Variants in BLZF1 observed in about 807,000 individuals in gnomAD.
The protein encoded by BLZF1 is basic leucine zipper nuclear factor 1, also known as golgin-45.
BLZF1 carries 39 observed loss-of-function variants against 43.8 expected under a neutral mutation model. The ratio of observed to expected loss-of-function variants is 0.89; its 90% CI spans 0.69 to 1.16. The LOEUF (loss-of-function observed/expected upper bound fraction) is 1.16. Ranked by LOEUF, BLZF1 falls within the 50% of genes most tolerant of loss-of-function variation. BLZF1 has a pLI of 0.00. For missense variants in BLZF1, 449 were observed against 469.8 expected, an observed-to-expected ratio of 0.96 and a Z score of 0.41; for synonymous variants, 136 against 159.4, an observed-to-expected ratio of 0.85 and a Z score of 1.11.
chr1:169,377,246 A>G (rs1654388385), intron 3 of BLZF1: 2 of 427,910 alleles, frequency 4.7e-6, no homozygotes, highest in Non-Finnish European at 8.2e-6. Flanking sequence ...GTAGGTTACA[A>G]TTATAAACTG....
At chr1:169,368,756 G>A (rs1311483919) in intron 1 of BLZF1, among the ~76,000 whole-genome samples, 1 of 152,168 alleles carries the variant, frequency 6.6e-6, no homozygotes. Flanking sequence ...TAGTCGTCGG[G>A]TTCACTAATT....
chr1:169,391,906 C>T (rs1006832825), downstream of BLZF1, among the ~76,000 whole-genome samples: 2 of 71,372 alleles, frequency 2.8e-5, no homozygotes, highest in African/African-American at 6.7e-5. Context: ...CACAATAAAA[C>T]TTGTTCAATC....
At chr1:169,375,352 T>C (rs1654266757) in intron 2 of BLZF1, among the ~76,000 whole-genome samples, 1 of 77,754 alleles carries the variant, frequency 1.3e-5, no homozygotes, top group South Asian at 2.9e-4. Context: ...AAAACATATA[T>C]ATAAAAAACA....
At chr1:169,382,909 T>G (rs1654567316) in intron 6 of BLZF1, among the ~76,000 whole-genome samples, 1 of 152,238 alleles carries the variant, frequency 6.6e-6, no homozygotes, top group South Asian at 2.1e-4. Flanking sequence ...CCAACTCTGA[T>G]TCTTCATTCT....
At chr1:169,377,994 A>G (rs1450894462) in intron 3 of BLZF1, among the ~76,000 whole-genome samples, 1 of 151,988 alleles carries the variant, frequency 6.6e-6, no homozygotes, top group African/African-American at 2.4e-5. Flanking sequence ...ATTCTCTGTC[A>G]TATTTTTTAT....
intron 4 of BLZF1, 36 bp from the exon 5 acceptor site, chr1:169,380,445 C>T: frequency 6.3e-7 from 1 of 1,593,250 alleles, no homozygotes; most frequent in Non-Finnish European, 8.6e-7. Flanking sequence ...GTATTATTGT[C>T]AGCAAATTTA....
chr1:169,377,349 A>G (rs564601332), intron 3 of BLZF1: 94 of 217,642 alleles, frequency 4.3e-4, no homozygotes, highest in African/African-American at 2.0e-3. Context: ...GCTTGTGTAT[A>G]CGGGATACTT....
At chr1:169,377,378 A>G (rs1180731376) in intron 3 of BLZF1, 3 of 176,354 alleles carry the variant, frequency 1.7e-5, no homozygotes, top group Non-Finnish European at 3.5e-5. Context: ...GAGAATGGCG[A>G]TATAACTTAC....
chr1:169,377,903 A>T (rs1338572607), intron 3 of BLZF1, among the ~76,000 whole-genome samples: 1 of 152,008 alleles, frequency 6.6e-6, no homozygotes, highest in Non-Finnish European at 1.5e-5. Flanking sequence ...AACATACTGG[A>T]TTACTTTGCT....
intron 5 of BLZF1, among the ~76,000 whole-genome samples, chr1:169,381,718 T>C (rs996810669): frequency 2.0e-4 from 31 of 152,286 alleles, no homozygotes; most frequent in Non-Finnish European, 4.1e-4. Context: ...TAGATTGGTT[T>C]AGCATTCAAG....
intron 4 of BLZF1, among the ~76,000 whole-genome samples, chr1:169,380,044 TGAC>T (rs1477856137): frequency 1.3e-5 from 2 of 152,080 alleles, no homozygotes; most frequent in East Asian, 3.9e-4. Flanking sequence ...ATGCTGGGCA[TGAC>T]AAAAGACTTT....
At position 169,376,595 on chromosome 1, in the gene BLZF1, A is replaced by G. The variant is rs777063096; in HGVS notation, c.84A>G (p.Glu28=). The change falls in exon 3 of 7, where the codon GAA becomes GAG. Residue 28 remains glutamate, a synonymous_variant. Transcript: ENST00000367808. ...CAGGAGATGGAATGGAAACTGAGGA[A>G]CCACCTAAATCTGTTGAAGTTACCT... is the stretch of plus-strand genomic sequence containing the variant. ...RGAGDGMETE[E]PPKSVEVTSG... 3.7e-6 allele frequency: 6 copies of G among 1,611,776 alleles called. No individual in the cohort carries two copies. The East Asian group carries it at 6.7e-5, about 18-fold the overall frequency.
In BLZF1 at chr1:169,387,990, T is replaced by A. The variant is rs1256555067; in HGVS notation, c.*808T>A. On this transcript the variant is annotated 3_prime_UTR_variant, in exon 7 of 7. Transcript: ENST00000367808. The stretch of plus-strand genomic sequence containing the variant: ...ACAAGAATATCCAACTTGATATTTA[T>A]AAAAGGTAGACTTTTTCCAAAAGTG... 1 of 152,132 alleles carries A rather than the reference T, an allele frequency of 6.6e-6. No individual in the cohort carries two copies. The highest frequency in any genetic ancestry group is 1.5e-5 in the Non-Finnish European group (1 of 68,020). 9.4% of individuals were successfully genotyped at this position (152,132 alleles called of 1,614,324 possible).
intron 3 of BLZF1, among the ~76,000 whole-genome samples, chr1:169,377,664 A>G (rs772494804): frequency 6.6e-6 from 1 of 152,034 alleles, no homozygotes; most frequent in East Asian, 1.9e-4. Flanking sequence ...TGCCACCTGA[A>G]TCATTTCATC....
chr1:169,384,609 T>C (rs1654619188), intron 6 of BLZF1, among the ~76,000 whole-genome samples: 1 of 152,190 alleles, frequency 6.6e-6, no homozygotes, highest in African/African-American at 2.4e-5. Context: ...TTTAACCACT[T>C]TTCATGATGC....
In BLZF1 at chr1:169,376,926, A is replaced by G; in HGVS notation, c.415A>G (p.Arg139Gly). The stretch of plus-strand genomic sequence containing the variant: ...GGAAAAGCTCAAGAATTCTGAAAGA[A>G]GGTTACTACAGGACAAAGAAGGTCT... ...VLEKLKNSER[R>G]LLQDKEGLSN... Residue 139 changes from arginine (R) to glycine (G), a missense_variant, in exon 3 of 7, where the codon AGG becomes GGG. Transcript: ENST00000367808. 1 of 1,613,310 alleles carries G rather than the reference A, an allele frequency of 6.2e-7. No individual in the cohort carries two copies.
At position 169,379,204 on chromosome 1, in the gene BLZF1, C is replaced by T. The variant is rs188903884; in HGVS notation, c.668+675C>T. ...GCAAAATACTTTATAGAGTATGTTT[C>T]ATAACTGTTGATTTAAATTGAATCA... On this transcript the variant is annotated intron_variant, in intron 4 of 6. Transcript: ENST00000367808. 2.8e-4 allele frequency among the ~76,000 whole-genome samples: 43 copies of T among 152,058 alleles called. No homozygotes were observed. In the East Asian group the frequency reaches 4.6e-3, roughly 16 times the overall value.
chr1:169,384,491 A>T (rs1654616218), intron 6 of BLZF1, among the ~76,000 whole-genome samples: 2 of 152,120 alleles, frequency 1.3e-5, no homozygotes, highest in Non-Finnish European at 2.9e-5. Context: ...TTGAATCAGA[A>T]TTCATTCATA....
At position 169,387,117 on chromosome 1, in the gene BLZF1, A is replaced by C. The variant is rs764427263; in HGVS notation, c.1138A>C (p.Thr380Pro). The C allele has an allele frequency of 3.1e-6, 5 of 1,613,302 alleles. No homozygotes were observed. The highest frequency in any genetic ancestry group is 4.2e-6 in the Non-Finnish European group (5 of 1,179,734). Reference protein sequence around the residue: ...KKNIGRFHPYTRYENITFNCC... With the variant: ...KKNIGRFHPYPRYENITFNCC... ...AAATATTGGACGATTTCATCCCTAT[A>C]CTAGATATGAAAATATAACTTTCAA... The change falls in exon 7 of 7, where the codon ACT (threonine) becomes CCT (proline). Residue 380 changes from threonine to proline, a missense_variant. Thr to Pro is a conservative substitution (Grantham distance 38). Transcript: ENST00000367808.
Sources: allele counts gnomAD v4.1 joint callset (sites outside exome capture counted in the v4.1 genomes callset), GRCh38; gene constraint gnomAD v4.1.1; transcripts MANE v1.5; gene names NCBI Gene and HGNC (gene_info 2026-07-23, HGNC 2026-07-21).